Variants in ZNF776 observed in about 807,000 individuals in gnomAD.
ZNF776 encodes the protein zinc finger protein 776.
Under a neutral mutation model 7.0 loss-of-function variants are expected in ZNF776, and 4 were observed. The ratio of observed to expected loss-of-function variants is 0.57; its 90% confidence interval spans 0.28 to 1.31. The LOEUF (loss-of-function observed/expected upper bound fraction) is 1.31, where lower values mean the gene tolerates loss of function less well. ZNF776 is among the 50% of genes most tolerant of loss of function. The probability of loss-of-function intolerance (pLI) is 0.10; values close to 1 mark genes in which losing one functional copy is unlikely to be tolerated. For missense variants in ZNF776, 555 were observed against 625.9 expected (o/e 0.89, Z 1.21); for synonymous variants, 212 against 213.7 (o/e 0.99, Z 0.07).
Position 57,749,536 on chromosome 19 carries a change from G to A in ZNF776, c.34-1249G>A, listed in dbSNP as rs1002271592. Among the ~76,000 whole-genome samples, 5 of 152,296 alleles carry A rather than the reference G, an allele frequency of 3.3e-5. No individual in the cohort carries two copies. In the South Asian group the frequency reaches 6.2e-4, roughly 19 times the overall value. ...ATTGGATGCTGTCAGCCATATTGTG[G>A]TATAAAGCCAAAAATGGAGGCCCAA... On this transcript the variant is annotated intron_variant, in intron 1 of 2. Coordinates refer to ENST00000317178, the MANE Select transcript of ZNF776 (RefSeq NM_173632.4).
At position 57,754,940 on chromosome 19, in the gene ZNF776, A is replaced by G. The variant is rs962300400; in HGVS notation, c.*253A>G. Reference sequence around the variant, plus strand: ...GAGAAAGACCCTATAGTTATGGGGAATTTGGGAAATTACCTAACAAGAAGT... The same window carrying G: ...GAGAAAGACCCTATAGTTATGGGGAGTTTGGGAAATTACCTAACAAGAAGT... On this transcript the variant is annotated 3_prime_UTR_variant, in exon 3 of 3. Coordinates refer to ENST00000317178, the MANE Select transcript of ZNF776 (RefSeq NM_173632.4). 4.0e-6 allele frequency: 2 copies of G among 496,336 alleles called. No individual in the cohort carries two copies. The highest frequency in any genetic ancestry group is 7.2e-6 in the Non-Finnish European group (2 of 278,612). 30.7% of individuals were successfully genotyped at this position (496,336 alleles called of 1,614,324 possible). A position where few individuals can be genotyped will look rare whatever the true frequency, so the allele number is the denominator to read the frequency against.
chr19:57,751,057 G>A (rs2122513103), intron 2 of ZNF776, 146 bp downstream of exon 2: 1 of 929,066 alleles, frequency 1.1e-6, no homozygotes, highest in East Asian at 3.1e-5. Context: ...TATGTGGTAT[G>A]TAGGACTGAG....
intron 1 of ZNF776, among the ~76,000 whole-genome samples, chr19:57,749,941 T>C (rs1225270649): frequency 2.0e-5 from 3 of 152,242 alleles, no homozygotes; most frequent in Admixed American, 6.5e-5. Context: ...AACATATTTA[T>C]AGCACCTGTC....
intron 2 of ZNF776, among the ~76,000 whole-genome samples, chr19:57,751,868 G>GGTT (rs1986613708): frequency 1.8e-4 from 12 of 67,526 alleles, no homozygotes; most frequent in South Asian, 6.8e-4. Flanking sequence ...TTTTGGTTTT[G>GGTT]TTTTTTTTTT....
In ZNF776 at chr19:57,757,946, C is replaced by G. The variant is rs1214564908; in HGVS notation, c.*3259C>G. The G allele has an allele frequency of 6.6e-6, 1 of 152,022 alleles. No individual in the cohort carries two copies. Among genetic ancestry groups the G allele is most frequent in the Non-Finnish European group, 1.5e-5 (1 of 68,004 alleles). The allele number at this position is 152,022 out of a possible 1,614,324, so 9.4% of individuals were successfully genotyped here. A position where few individuals can be genotyped will look rare whatever the true frequency, so the allele number is the denominator to read the frequency against. On this transcript the variant is annotated 3_prime_UTR_variant, in exon 3 of 3. Transcript: ENST00000317178. ...GAGCCCTATTTATTTAGATGTTCTT[C>G]TTTTTTCTTTATTATTATTTTTATT...
In ZNF776 at chr19:57,754,680, A is replaced by G; in HGVS notation, c.1550A>G (p.Glu517Gly). The stretch of plus-strand genomic sequence containing the variant: ...GTTCACACGGGAGAAAGACATCATG[A>G]ATGTTGAAAATTTGGCAGATCTGTT... ...QRVHTGERHH[E>G]C Residue 517 changes from glutamate (E) to glycine (G), a missense_variant, in exon 3 of 3, where the codon GAA becomes GGA. Physicochemically the swap from Glu to Gly is moderately conservative, Grantham distance 98. Coordinates refer to ENST00000317178, the MANE Select transcript of ZNF776 (RefSeq NM_173632.4). The G allele has an allele frequency of 3.1e-6, 5 of 1,606,824 alleles. No homozygotes were observed. The highest frequency in any genetic ancestry group is 4.3e-6 in the Non-Finnish European group (5 of 1,174,438).
At position 57,750,781 on chromosome 19, in the gene ZNF776, G is replaced by T; in HGVS notation, c.34-4G>T. The T allele has an allele frequency of 6.2e-7, 1 of 1,610,058 alleles. No individual in the cohort carries two copies. The highest frequency in any genetic ancestry group is 8.5e-7 in the Non-Finnish European group (1 of 1,177,602). On this transcript the variant is annotated splice_polypyrimidine_tract_variant and splice_region_variant and intron_variant, in intron 1 of 2. Transcript: ENST00000317178. ...TGTGGTTTCATCTGTCATCATCACG[G>T]CAGGGCACTGTGACCTTTGAAGATG...
At chr19:57,751,867 T>TG (rs1376156744) in intron 2 of ZNF776, among the ~76,000 whole-genome samples, 1,407 of 110,884 alleles carry the variant, frequency 0.013, 31 homozygotes, top group African/African-American at 0.058. Context: ...TTTTTGGTTT[T>TG]GTTTTTTTTT....
intron 2 of ZNF776, among the ~76,000 whole-genome samples, chr19:57,751,868 GTTT>G (rs768825787): frequency 1.5e-5 from 1 of 67,506 alleles, no homozygotes; most frequent in Non-Finnish European, 2.7e-5. Context: ...TTTTGGTTTT[GTTT>G]TTTTTTTTTT....
chr19:57,748,190 A>G (rs1986496393), intron 1 of ZNF776, among the ~76,000 whole-genome samples: 1 of 152,172 alleles, frequency 6.6e-6, no homozygotes, highest in Non-Finnish European at 1.5e-5. Context: ...ATTCATGGCT[A>G]AGGAGATGTG....
rs958161418 is a variant in ZNF776 at position 57,757,410 on chromosome 19, T to C, written c.*2723T>C. ...CCCTGAATTAGTAGGAGGAAGAGGA[T>C]AGGGAGAAAGGAAATCTCTTAGTCC... is the stretch of plus-strand genomic sequence containing the variant. On this transcript the variant is annotated 3_prime_UTR_variant, in exon 3 of 3. Transcript: ENST00000317178. 6.6e-6 allele frequency: 1 copy of C among 152,234 alleles called. No homozygotes were observed. Among genetic ancestry groups the C allele is most frequent in the African/African-American group, 2.4e-5 (1 of 41,432 alleles). 9.4% of individuals were successfully genotyped at this position (152,234 alleles called of 1,614,324 possible).
chr19:57,756,062 T>A lies in ZNF776; in HGVS notation c.*1375T>A, dbSNP rs1236499792. On this transcript the variant is annotated 3_prime_UTR_variant, in exon 3 of 3. Transcript: ENST00000317178. ...CACTAATGATAGCTGATGAACTTTT[T>A]TAAAAAATCACACAAAAACCCTCAT... 8.9e-6 allele frequency: 1 copy of A among 111,902 alleles called. No individual in the cohort carries two copies. The highest frequency in any genetic ancestry group is 2.8e-5 in the African/African-American group (1 of 35,824). 6.9% of individuals were successfully genotyped at this position (111,902 alleles called of 1,614,324 possible). A position where few individuals can be genotyped will look rare whatever the true frequency, so the allele number is the denominator to read the frequency against.
chr19:57,754,415 G>A lies in ZNF776; in HGVS notation c.1285G>A (p.Glu429Lys). 1 of 1,614,200 alleles carries A rather than the reference G, an allele frequency of 6.2e-7. No individual in the cohort carries two copies. The highest frequency in any genetic ancestry group is 2.2e-5 in the East Asian group (1 of 44,874). ...TGAACACCAGAGAGTTCACACTGGAGAAAGGCCATATGAGTGTAGAGAATG... is the reference window on the plus strand; with the variant it reads ...TGAACACCAGAGAGTTCACACTGGAAAAAGGCCATATGAGTGTAGAGAATG... Reference protein sequence around the residue: ...LTEHQRVHTGERPYECRECGK... With the variant: ...LTEHQRVHTGKRPYECRECGK... Residue 429 changes from glutamate (E) to lysine (K), a missense_variant, in exon 3 of 3, where the codon GAA becomes AAA. By Grantham distance (56) the Glu-to-Lys change is moderately conservative. Coordinates refer to ENST00000317178, the MANE Select transcript of ZNF776 (RefSeq NM_173632.4).
chr19:57,754,210 G>C lies in ZNF776; in HGVS notation c.1080G>C (p.Lys360Asn). ...AATGTGGGAAATCGTTTAATCACAA[G>C]TGCAACCTCATTCAGCATCAGCGAG... ...CGECGKSFNH[K>N]CNLIQHQRVH... is the part of the protein sequence containing the mutation. Residue 360 changes from lysine (K) to asparagine (N), a missense_variant, in exon 3 of 3, where the codon AAG becomes AAC. Physicochemically the swap from Lys to Asn is moderately conservative, Grantham distance 94. Coordinates refer to ENST00000317178, the MANE Select transcript of ZNF776 (RefSeq NM_173632.4). 6.2e-7 allele frequency: 1 copy of C among 1,614,112 alleles called. No individual in the cohort carries two copies. Among genetic ancestry groups the C allele is most frequent in the Non-Finnish European group, 8.5e-7 (1 of 1,179,994 alleles).
chr19:57,754,702 T>C lies in ZNF776; in HGVS notation c.*15T>C. On this transcript the variant is annotated 3_prime_UTR_variant, in exon 3 of 3. Transcript: ENST00000317178. ...ATGAATGTTGAAAATTTGGCAGATC[T>C]GTTGGTAAAAAGAGCACCCTCATTC... 6.2e-7 allele frequency: 1 copy of C among 1,601,988 alleles called. No individual in the cohort carries two copies.
rs900907156 is a variant in ZNF776, at chr19:57,757,195, G to A, written c.*2508G>A. On this transcript the variant is annotated 3_prime_UTR_variant, in exon 3 of 3. Transcript: ENST00000317178. ...TAGTGAAGCAGACTGCAACAGAATAGTTGGGATATACTTTTTTTAAAAAGG... is the reference window on the plus strand; with the variant it reads ...TAGTGAAGCAGACTGCAACAGAATAATTGGGATATACTTTTTTTAAAAAGG... 2.5e-5 allele frequency: 4 copies of A among 162,542 alleles called. No homozygotes were observed. The highest frequency in any genetic ancestry group is 5.4e-5 in the Non-Finnish European group (4 of 74,048). The allele number at this position is 162,542 out of a possible 1,614,324, so 10.1% of individuals were successfully genotyped here. A position where few individuals can be genotyped will look rare whatever the true frequency, so the allele number is the denominator to read the frequency against.
At position 57,754,058 on chromosome 19, in the gene ZNF776, C is replaced by T. The variant is rs1485055122; in HGVS notation, c.928C>T (p.His310Tyr). The change falls in exon 3 of 3, where the codon CAT becomes TAT. Residue 310 changes from histidine (H) to tyrosine (Y), a missense_variant. Physicochemically the swap from His to Tyr is moderately conservative, Grantham distance 83. Coordinates refer to ENST00000317178, the MANE Select transcript of ZNF776 (RefSeq NM_173632.4). The stretch of plus-strand genomic sequence containing the variant: ...TAGTCATAAGCACAGTCTTGTTGAC[C>T]ATCAGCGAGTTCACACTGGAGAAAG... ...SFSHKHSLVD[H>Y]QRVHTGERPY... 1.9e-6 allele frequency: 3 copies of T among 1,613,722 alleles called. No individual in the cohort carries two copies. Among genetic ancestry groups the T allele is most frequent in the Non-Finnish European group, 2.5e-6 (3 of 1,179,998 alleles).
In ZNF776 at chr19:57,754,660, C is replaced by T; in HGVS notation, c.1530C>T (p.His510=). Residue 510 remains histidine, a synonymous_variant, in exon 3 of 3, where the codon CAC becomes CAT. Coordinates refer to ENST00000317178, the MANE Select transcript of ZNF776 (RefSeq NM_173632.4). ...KGNLIKHQRV[H]TGERHHEC ...ACCTCATTAAACATCAACGAGTTCA[C>T]ACGGGAGAAAGACATCATGAATGTT... 6.2e-7 allele frequency: 1 copy of T among 1,612,314 alleles called. No individual in the cohort carries two copies. The highest frequency in any genetic ancestry group is 8.5e-7 in the Non-Finnish European group (1 of 1,178,392).
At chr19:57,750,717 A>C (rs1986575055) in intron 1 of ZNF776, 68 bp from the exon 2 acceptor site, 10 of 1,518,318 alleles carry the variant, frequency 6.6e-6, no homozygotes, top group Non-Finnish European at 8.8e-6. Context: ...GGGAGGAGGA[A>C]GGGCAAGGGT....
Sources: allele counts gnomAD v4.1 joint callset (sites outside exome capture counted in the v4.1 genomes callset), GRCh38; gene constraint gnomAD v4.1.1; transcripts MANE v1.5; gene names NCBI Gene and HGNC (gene_info 2026-07-23, HGNC 2026-07-21).